CLK3: variants seen among roughly 807,000 people sequenced by gnomAD.
The protein encoded by CLK3 is dual specificity protein kinase CLK3.
CLK3 carries 24 observed loss-of-function variants against 65.2 expected under a neutral mutation model. The observed-to-expected ratio is 0.37, with a 90% CI of 0.27 to 0.52. The LOEUF (loss-of-function observed/expected upper bound fraction) is 0.52, where lower values mean the gene tolerates loss of function less well. Among genes scored for constraint, CLK3 ranks in the 20% least tolerant of loss-of-function variants. The probability of loss-of-function intolerance (pLI) is 0.92; values close to 1 mark genes in which losing one functional copy is unlikely to be tolerated. For missense variants in CLK3, 506 were observed against 660.0 expected, an observed-to-expected ratio of 0.77 and a Z score of 2.56; for synonymous variants, 252 against 240.8, an observed-to-expected ratio of 1.05 and a Z score of -0.43.
intron 3 of CLK3, chr15:74,620,872 G>GA (rs1375809293): frequency 6.5e-6 from 1 of 153,156 alleles, no homozygotes; most frequent in Non-Finnish European, 1.5e-5. Context: ...AGAAATGGCA[G>GA]AAAGGCTGCC....
chr15:74,624,627 C>A lies in CLK3; in HGVS notation c.534-275C>A. On this transcript the variant is annotated intron_variant, in intron 5 of 12. Coordinates refer to ENST00000395066, the MANE Select transcript of CLK3 (RefSeq NM_001130028.2). This position sits in a 1 kb window ranked among gnomAD's most constrained non-coding sequence, Gnocchi z 4.2. ...TTAAGCAGGATTGGCCTCTACTCTC[C>A]CACACTCCTTTGGGAGCTGGCAGTG... The A allele has an allele frequency of 1.9e-6, 1 of 514,092 alleles. No individual in the cohort carries two copies. The highest frequency in any genetic ancestry group is 2.3e-5 in the South Asian group (1 of 43,422). 31.8% of individuals were successfully genotyped at this position (514,092 alleles called of 1,614,324 possible).
chr15:74,626,488 C>A (rs1184860411), intron 7 of CLK3, among the ~76,000 whole-genome samples: 1 of 152,234 alleles, frequency 6.6e-6, no homozygotes, highest in Admixed American at 6.5e-5. Context: ...TAGAATCGCT[C>A]AAGGTCACCC....
At chr15:74,611,117 T>C (rs1236650305), upstream of CLK3, among the ~76,000 whole-genome samples, 4 of 152,170 alleles carry the variant, frequency 2.6e-5, no homozygotes, top group Non-Finnish European at 4.4e-5. Context: ...CCTCCAGCAG[T>C]GTCCCTAGCC....
chr15:74,617,248 T>C (rs1044575251), intron 1 of CLK3, among the ~76,000 whole-genome samples: 1 of 152,188 alleles, frequency 6.6e-6, no homozygotes. Context: ...GTGACAGCAC[T>C]AGGATTTAGT....
At chr15:74,619,470 C>A in intron 2 of CLK3, 122 bp downstream of exon 2, 1 of 1,073,840 alleles carries the variant, frequency 9.3e-7, no homozygotes. Context: ...CTGCCCTGTC[C>A]TCTTTGGGCT....
intron 3 of CLK3, 117 bp downstream of exon 3, chr15:74,620,342 G>A (rs2062092360): frequency 1.9e-5 from 26 of 1,334,244 alleles, no homozygotes; most frequent in Non-Finnish European, 2.6e-5. Context: ...GCACTGGTGT[G>A]CGTGCATGTG....
chr15:74,614,139 G>A (rs192594053), upstream of CLK3, among the ~76,000 whole-genome samples: 84 of 152,146 alleles, frequency 5.5e-4, no homozygotes, highest in Non-Finnish European at 1.1e-3. Context: ...TCAGCCTCCC[G>A]AGCATCTGGG....
rs745555763 is a variant in CLK3, at chr15:74,629,156, C to A, written c.1296+124C>A. On this transcript the variant is annotated intron_variant, in intron 12 of 12. Coordinates refer to ENST00000395066, the MANE Select transcript of CLK3 (RefSeq NM_001130028.2). The stretch of plus-strand genomic sequence containing the variant: ...CTCCTTGATCCAGCTCTATGGGAGG[C>A]GGCACCCAAGACTGCTGGGTGCTGG... The A allele has an allele frequency of 1.6e-5, 13 of 797,348 alleles. No homozygotes were observed. In the Admixed American group the frequency reaches 2.6e-4, roughly 16 times the overall value. 49.4% of individuals were successfully genotyped at this position (797,348 alleles called of 1,614,324 possible).
chr15:74,625,069 C>T (rs1295605383), intron 6 of CLK3, 51 bp downstream of exon 6: 1 of 1,367,652 alleles, frequency 7.3e-7, no homozygotes. Flanking sequence ...GCTGCTGGAC[C>T]CCCAGGGGCT....
rs781244180 is a variant in CLK3, at chr15:74,625,032, A to G, written c.650+14A>G. 11 of 1,590,368 alleles carry G rather than the reference A, an allele frequency of 6.9e-6. No homozygotes were observed. The South Asian group carries it at 9.9e-5, about 14-fold the overall frequency. On this transcript the variant is annotated intron_variant, in intron 6 of 12. Coordinates refer to ENST00000395066, the MANE Select transcript of CLK3 (RefSeq NM_001130028.2). The stretch of plus-strand genomic sequence containing the variant: ...AGAAAACAAGTTGTGAGTATCTGCA[A>G]GGAGTGGGAGGGAAGCCTTCAGTGG...
intron 5 of CLK3, chr15:74,623,640 T>A (rs1781656728): frequency 6.6e-6 from 1 of 152,146 alleles, no homozygotes; most frequent in African/African-American, 2.4e-5. Context: ...CGTGGCCAGG[T>A]GGAGACATGG....
At chr15:74,623,492 G>T (rs2062119578) in intron 5 of CLK3, 1 of 152,284 alleles carries the variant, frequency 6.6e-6, no homozygotes, top group African/African-American at 2.4e-5. Flanking sequence ...CAGGCGTCCA[G>T]CCTTTCCTGT....
Position 74,625,900 on chromosome 15 carries a change from A to G in CLK3, c.749A>G (p.Asn250Ser). ...GKNTFEFLKE[N>S]NFQPYPLPHV... is the part of the protein sequence containing the mutation. ...AACACCTTTGAGTTCCTGAAGGAGA[A>G]TAACTTCCAGCCTTACCCCCTACCA... is the stretch of plus-strand genomic sequence containing the variant. Residue 250 changes from asparagine (N) to serine (S), a missense_variant, in exon 7 of 13, where the codon AAT (asparagine) becomes AGT (serine). By Grantham distance (46) the Asn-to-Ser change is conservative. Coordinates refer to ENST00000395066, the MANE Select transcript of CLK3 (RefSeq NM_001130028.2). 1 of 1,614,186 alleles carries G rather than the reference A, an allele frequency of 6.2e-7. No homozygotes were observed. Among genetic ancestry groups the G allele is most frequent in the Non-Finnish European group, 8.5e-7 (1 of 1,180,024 alleles).
At chr15:74,615,715 G>C, upstream of CLK3, 1 of 1,238,788 alleles carries the variant, frequency 8.1e-7, no homozygotes, top group Non-Finnish European at 1.0e-6. Context: ...GAGAGGGCTG[G>C]TGCCCCGGAG....
At chr15:74,620,295 G>C in intron 3 of CLK3, 70 bp downstream of exon 3, 1 of 1,590,540 alleles carries the variant, frequency 6.3e-7, no homozygotes, top group Non-Finnish European at 8.6e-7. Flanking sequence ...CTCTCAGGCT[G>C]GCTGGTCCGG....
chr15:74,628,545 C>G (rs761591281), intron 10 of CLK3, 59 bp from the exon 11 acceptor site: 3 of 1,277,574 alleles, frequency 2.3e-6, no homozygotes, highest in Non-Finnish European at 3.3e-6. Flanking sequence ...GTTCCTTTTT[C>G]TCCTTGAAGG....
In CLK3 at chr15:74,628,617, G is replaced by A. The variant is rs770297335; in HGVS notation, c.1139G>A (p.Arg380Gln). Residue 380 changes from arginine (R) to glutamine (Q), a missense_variant, in exon 11 of 13, where the codon CGA (arginine) becomes CAA (glutamine). Transcript: ENST00000395066. ...AATCTTCCACAGACCCACGAAAACC[G>A]AGAGCACCTGGTGATGATGGAGAAG... ...GFTLFQTHEN[R>Q]EHLVMMEKIL... The A allele has an allele frequency of 5.0e-6, 8 of 1,613,390 alleles. No homozygotes were observed. Among genetic ancestry groups the A allele is most frequent in the South Asian group, 1.1e-5 (1 of 91,022 alleles).
At chr15:74,613,637 G>T (rs2062018799), upstream of CLK3, 2 of 152,184 alleles carry the variant, frequency 1.3e-5, no homozygotes, top group African/African-American at 4.8e-5. Context: ...TTGTGGGAAG[G>T]TGACTAACTT....
Position 74,622,962 on chromosome 15 carries a change from A to AGTCCCATTCCCTGAGG in CLK3, c.533+406_533+421dup, listed in dbSNP as rs2062115153. Among the ~76,000 whole-genome samples the AGTCCCATTCCCTGAGG allele has an allele frequency of 1.3e-5, 2 of 152,212 alleles. No homozygotes were observed. Among genetic ancestry groups the AGTCCCATTCCCTGAGG allele is most frequent in the African/African-American group, 4.8e-5 (2 of 41,446 alleles). On this transcript the variant is annotated intron_variant, in intron 5 of 12. Coordinates refer to ENST00000395066, the MANE Select transcript of CLK3 (RefSeq NM_001130028.2). This position sits in a 1 kb window ranked among gnomAD's most constrained non-coding sequence, Gnocchi z 4.6. ...TACCAATAAGCCCAGCCCAAGCATA[A>AGTCCCATTCCCTGAGG]GTCCCATTCCCTGAGGGTCTGCCTG...
Sources: gnomAD v4.1 joint callset for allele counts (sites outside exome capture counted in the v4.1 genomes callset) on GRCh38, gnomAD v4.1.1 for gene constraint, Gnocchi (gnomAD v3.1) non-coding constraint, MANE v1.5 for transcripts, NCBI Gene and HGNC (gene_info 2026-07-23, HGNC 2026-07-21) for gene names.